The following FHIT variants were observed in gnomAD, a reference collection of about 807,000 sequenced individuals.
FHIT encodes fragile histidine triad diadenosine triphosphatase.
Under a neutral mutation model 17.9 loss-of-function variants are expected in FHIT, and 19 were observed. The observed-to-expected ratio is 1.06, with a 90% CI of 0.74 to 1.56. The LOEUF (loss-of-function observed/expected upper bound fraction) is 1.56. Among genes scored for constraint, FHIT ranks in the 40% most tolerant of loss-of-function variants. FHIT has a pLI of 0.00. For synonymous variants in FHIT, 81 were observed against 69.7 expected (o/e 1.16, Z -0.81); for missense variants, 248 against 189.2 (o/e 1.31, Z -1.82).
At chr3:60,894,018 G>T (rs1027840310) in intron 3 of FHIT, among the ~76,000 whole-genome samples, 7 of 152,108 alleles carry the variant, frequency 4.6e-5, no homozygotes, top group African/African-American at 1.7e-4. Context: ...TCTGAATCTG[G>T]CCTTCCCTGA....
intron 1 of FHIT, among the ~76,000 whole-genome samples, chr3:61,208,956 G>A (rs4688351): frequency 0.43 from 65,718 of 151,540 alleles, 14,832 homozygotes; most frequent in East Asian, 0.58. Context: ...GGCTGGTACT[G>A]GTTGTTCCTT....
intron 3 of FHIT, among the ~76,000 whole-genome samples, chr3:60,956,080 C>T (rs1709140798): frequency 6.6e-6 from 1 of 152,156 alleles, no homozygotes; most frequent in Non-Finnish European, 1.5e-5. Context: ...AGGTTTCTAA[C>T]AGTCAACTCA....
chr3:60,368,949 TATTTC>T (rs1700216734), intron 5 of FHIT, among the ~76,000 whole-genome samples: 1 of 151,990 alleles, frequency 6.6e-6, no homozygotes, highest in Non-Finnish European at 1.5e-5. Flanking sequence ...CCATTCAGTA[TATTTC>T]AATCATGGCA....
At chr3:59,898,691 CTCTG>C (rs150930886) in intron 8 of FHIT, among the ~76,000 whole-genome samples, 3,286 of 151,796 alleles carry the variant, frequency 0.022, 47 homozygotes, top group South Asian at 0.06. Flanking sequence ...CATTTATGGT[CTCTG>C]TCTTTCTCCT....
intron 4 of FHIT, among the ~76,000 whole-genome samples, chr3:60,574,955 GCTTC>G (rs1465836667): frequency 6.6e-6 from 1 of 151,716 alleles, no homozygotes; most frequent in Non-Finnish European, 1.5e-5. Flanking sequence ...TTGACTCTGA[GCTTC>G]TTGAGGTTGG....
In FHIT at chr3:59,987,037, T is replaced by C. The variant is rs1433102069; in HGVS notation, c.279+24334A>G. ...TAAAAAAATAAAAATATAAAATATA[T>C]AAAATATATAAAAATATAAAATATA... On this transcript the variant is annotated intron_variant, in intron 7 of 9. Coordinates refer to ENST00000492590, the MANE Select transcript of FHIT (RefSeq NM_002012.4). Among the ~76,000 whole-genome samples the C allele has an allele frequency of 5.6e-5, 6 of 107,094 alleles. No homozygotes were observed. The East Asian group carries it at 1.5e-3, about 26-fold the overall frequency. The allele number at this position is 107,094 out of a possible 152,430, so 70.3% of individuals were successfully genotyped here.
chr3:60,969,310 T>G (rs1575772843), intron 3 of FHIT, among the ~76,000 whole-genome samples: 2 of 152,284 alleles, frequency 1.3e-5, no homozygotes, highest in East Asian at 3.9e-4. Flanking sequence ...CATAAAATCT[T>G]ACTAATATCT....
intron 8 of FHIT, among the ~76,000 whole-genome samples, chr3:59,904,402 C>G (rs1704487577): frequency 6.6e-6 from 1 of 151,624 alleles, no homozygotes; most frequent in South Asian, 2.1e-4. Context: ...GAAGTTGCAT[C>G]AAAATCTTCC....
At chr3:60,435,826 C>T (rs776698291) in intron 5 of FHIT, among the ~76,000 whole-genome samples, 1 of 152,058 alleles carries the variant, frequency 6.6e-6, no homozygotes, top group Non-Finnish European at 1.5e-5. Context: ...GTTCTGACAA[C>T]AGGCCCCAGT....
chr3:60,944,780 C>T (rs1553775353), intron 3 of FHIT, among the ~76,000 whole-genome samples: 1 of 152,144 alleles, frequency 6.6e-6, no homozygotes, highest in African/African-American at 2.4e-5. Flanking sequence ...AAAATTGAGT[C>T]ATCATGTGGC....
At chr3:60,391,679 T>C (rs937654279) in intron 5 of FHIT, among the ~76,000 whole-genome samples, 1 of 152,218 alleles carries the variant, frequency 6.6e-6, no homozygotes, top group Admixed American at 6.5e-5. Context: ...TGCAGGTATG[T>C]ATAGCCTACA....
In FHIT at chr3:60,040,939, T is replaced by G. The variant is rs188399475; in HGVS notation, c.104-26787A>C. ...AACCACCTGGGGCCTCAAGATTTAT[T>G]AGGACCTCACAATAGCAAACCTGTT... On this transcript the variant is annotated intron_variant, in intron 5 of 9. Transcript: ENST00000492590. Among the ~76,000 whole-genome samples the G allele has an allele frequency of 2.3e-3, 351 of 152,206 alleles. 2 individuals are homozygous for G. The highest frequency in any genetic ancestry group is 7.9e-3 in the African/African-American group (327 of 41,534).
chr3:61,080,749 A>C (rs1028305530), intron 2 of FHIT, among the ~76,000 whole-genome samples: 12 of 152,284 alleles, frequency 7.9e-5, no homozygotes, highest in African/African-American at 2.9e-4. Context: ...TCGGTGCCAA[A>C]AAAGAGCCCT....
chr3:61,107,185 TGA>T (rs1434810514), intron 2 of FHIT, among the ~76,000 whole-genome samples: 2 of 152,170 alleles, frequency 1.3e-5, no homozygotes, highest in Non-Finnish European at 2.9e-5. Context: ...TCTATGAGTT[TGA>T]CTGTTTAAAA....
At chr3:60,744,551 A>C (rs1338866969) in intron 4 of FHIT, among the ~76,000 whole-genome samples, 1 of 152,216 alleles carries the variant, frequency 6.6e-6, no homozygotes, top group Non-Finnish European at 1.5e-5. Flanking sequence ...GCCCTGTAAC[A>C]GTAGAACAAC....
chr3:61,156,558 A>G (rs935797157), intron 2 of FHIT, among the ~76,000 whole-genome samples: 2 of 152,164 alleles, frequency 1.3e-5, no homozygotes, highest in Admixed American at 6.5e-5. Context: ...TATACCTAGC[A>G]TGGTACACAT....
intron 5 of FHIT, among the ~76,000 whole-genome samples, chr3:60,527,702 A>G (rs2107580012): frequency 6.6e-6 from 1 of 152,392 alleles, no homozygotes; most frequent in South Asian, 2.1e-4. Flanking sequence ...GCCCATAAAA[A>G]TATAAATGGC....
At chr3:60,537,461 T>C in intron 4 of FHIT, 1 of 983,688 alleles carries the variant, frequency 1.0e-6, no homozygotes, top group Non-Finnish European at 1.2e-6. Context: ...TGTCTGACCT[T>C]GCCTACAATT....
intron 4 of FHIT, among the ~76,000 whole-genome samples, chr3:60,720,595 T>C (rs143505432): frequency 9.9e-5 from 15 of 152,262 alleles, no homozygotes; most frequent in African/African-American, 3.6e-4. Context: ...TGGGAAATGT[T>C]ACACTTCTCA....
Sources: gnomAD v4.1 joint callset for allele counts (sites outside exome capture counted in the v4.1 genomes callset) on GRCh38, gnomAD v4.1.1 for gene constraint, MANE v1.5 for transcripts, NCBI Gene and HGNC (gene_info 2026-07-23, HGNC 2026-07-21) for gene names.